The following KLHL1 variants were observed in gnomAD, a reference collection of about 807,000 sequenced individuals.
The protein encoded by KLHL1 is kelch like family member 1.
Under a neutral mutation model 77.7 loss-of-function variants are expected in KLHL1, and 47 were observed. That is an observed-to-expected ratio of 0.60 (90% confidence interval 0.48 to 0.77). The LOEUF (loss-of-function observed/expected upper bound fraction) is 0.77, where lower values mean the gene tolerates loss of function less well. Among genes scored for constraint, KLHL1 ranks in the 30% least tolerant of loss-of-function variants. The pLI is 0.00. For missense variants in KLHL1, 925 were observed against 910.8 expected, an observed-to-expected ratio of 1.02 and a Z score of -0.20; for synonymous variants, 360 against 325.2, an observed-to-expected ratio of 1.11 and a Z score of -1.15.
intron 4 of KLHL1, among the ~76,000 whole-genome samples, chr13:69,892,745 C>T (rs1881470214): frequency 6.6e-6 from 1 of 152,094 alleles, no homozygotes; most frequent in Admixed American, 6.5e-5. Flanking sequence ...AATAGCTAGA[C>T]AGTTGGGATA....
intron 1 of KLHL1, among the ~76,000 whole-genome samples, chr13:70,102,789 G>A (rs1001293790): frequency 5.9e-5 from 9 of 152,122 alleles, no homozygotes; most frequent in Admixed American, 1.3e-4. Context: ...TTTAACTTAC[G>A]CATATAAATA....
chr13:70,008,272 TG>T (rs1408912787), intron 1 of KLHL1, among the ~76,000 whole-genome samples: 1 of 152,092 alleles, frequency 6.6e-6, no homozygotes, highest in Non-Finnish European at 1.5e-5. Flanking sequence ...TATTCTTCTC[TG>T]ATCCACAGAG....
At chr13:69,748,321 T>C (rs1262965936) in intron 7 of KLHL1, among the ~76,000 whole-genome samples, 1 of 151,944 alleles carries the variant, frequency 6.6e-6, no homozygotes, top group Non-Finnish European at 1.5e-5. Context: ...TAATTTGACT[T>C]TCAGTTGCAC....
chr13:69,707,701 G>A lies in KLHL1; in HGVS notation c.2111C>T (p.Ala704Val). ...TGTCTGTCCATCATAGCCACCAACA[G>A]CATATAATCTGTCACCAAGGAGACA... is the stretch of plus-strand genomic sequence containing the variant. ...GVCLLGDRLYAVGGYDGQTYL... is the reference protein window; with the variant it reads ...GVCLLGDRLYVVGGYDGQTYL... The change falls in exon 10 of 11, where the codon GCT becomes GTT. Residue 704 changes from alanine (A) to valine (V), a missense_variant. Transcript: ENST00000377844. 1.2e-6 allele frequency: 2 copies of A among 1,612,822 alleles called. No individual in the cohort carries two copies. Among genetic ancestry groups the A allele is most frequent in the South Asian group, 2.2e-5 (2 of 91,044 alleles).
chr13:69,791,754 A>C (rs1199678420), intron 7 of KLHL1, among the ~76,000 whole-genome samples: 1 of 152,158 alleles, frequency 6.6e-6, no homozygotes. Context: ...ATCTCATGAC[A>C]AATACAAAAA....
chr13:70,027,269 AAGAT>A (rs1268497391), intron 1 of KLHL1, among the ~76,000 whole-genome samples: 3 of 152,152 alleles, frequency 2.0e-5, no homozygotes, highest in African/African-American at 7.2e-5. Context: ...GATCTGGAAA[AAGAT>A]AGACAAAGTA....
chr13:69,800,953 A>C (rs1231455037), intron 6 of KLHL1, among the ~76,000 whole-genome samples: 2 of 152,174 alleles, frequency 1.3e-5, no homozygotes, highest in Admixed American at 1.3e-4. Context: ...TTAAGACATA[A>C]TTATTTTAGG....
intron 3 of KLHL1, among the ~76,000 whole-genome samples, chr13:69,944,739 C>T (rs780189127): frequency 1.3e-5 from 2 of 152,052 alleles, no homozygotes; most frequent in African/African-American, 2.4e-5. Flanking sequence ...TGGAAATACA[C>T]GGACCTATAT....
chr13:69,885,530 T>C (rs559177265), intron 4 of KLHL1, among the ~76,000 whole-genome samples: 2 of 152,262 alleles, frequency 1.3e-5, no homozygotes, highest in Admixed American at 6.5e-5. Context: ...GTACCTACAA[T>C]GTAGGTTCTG....
At chr13:70,064,771 G>A (rs759765313) in intron 1 of KLHL1, among the ~76,000 whole-genome samples, 2 of 152,106 alleles carry the variant, frequency 1.3e-5, no homozygotes, top group South Asian at 2.1e-4. Context: ...GGCGATCCAC[G>A]ACTAAGGACT....
In KLHL1 at chr13:70,084,622, C is replaced by CTTTTTTTTTTTTTTTTTTTTTT. The variant is rs71116988; in HGVS notation, c.497+22559_497+22580dup. On this transcript the variant is annotated intron_variant, in intron 1 of 10. Transcript: ENST00000377844. ...TACAGGCACCTGCCACCACGCCAGG[C>CTTTTTTTTTTTTTTTTTTTTTT]TTTTTTTTTTTTTTTTTTTTTTTTT... Among the ~76,000 whole-genome samples, 27 of 14,954 alleles carry CTTTTTTTTTTTTTTTTTTTTTT rather than the reference C, an allele frequency of 1.8e-3. 8 individuals are homozygous for CTTTTTTTTTTTTTTTTTTTTTT. Among genetic ancestry groups the CTTTTTTTTTTTTTTTTTTTTTT allele is most frequent in the Admixed American group, 4.1e-3 (3 of 736 alleles). The allele number at this position is 14,954 out of a possible 152,430, so 9.8% of individuals were successfully genotyped here.
chr13:70,042,881 G>T (rs142862185), intron 1 of KLHL1, among the ~76,000 whole-genome samples: 2,891 of 152,174 alleles, frequency 0.019, 45 homozygotes, highest in Non-Finnish European at 0.027. Context: ...ATATGGAGGG[G>T]GAAGACAGTG....
chr13:69,885,108 T>C (rs372056932), intron 4 of KLHL1, among the ~76,000 whole-genome samples: 9 of 142,140 alleles, frequency 6.3e-5, no homozygotes, highest in African/African-American at 2.0e-4. Flanking sequence ...GCCCGGCTAA[T>C]TTTTTGTATT....
intron 1 of KLHL1, among the ~76,000 whole-genome samples, chr13:70,032,304 A>C (rs2325269): frequency 0.07 from 10,669 of 152,254 alleles, 384 homozygotes; most frequent in African/African-American, 0.07. Context: ...CTTGGATAGG[A>C]GAAGTGTTCT....
intron 1 of KLHL1, among the ~76,000 whole-genome samples, chr13:70,062,104 G>A (rs929833024): frequency 3.9e-5 from 6 of 151,986 alleles, no homozygotes; most frequent in East Asian, 3.9e-4. Flanking sequence ...TCCTGTCTCC[G>A]TTACCTTTCC....
At chr13:69,705,869 T>C (rs1006072002) in intron 10 of KLHL1, among the ~76,000 whole-genome samples, 2 of 151,738 alleles carry the variant, frequency 1.3e-5, no homozygotes, top group African/African-American at 2.4e-5. Flanking sequence ...TTGATTTCAA[T>C]TTTAGAGGAT....
chr13:69,959,217 C>A lies in KLHL1; in HGVS notation c.817+2091G>T, dbSNP rs373684184. On this transcript the variant is annotated intron_variant, in intron 3 of 10. Transcript: ENST00000377844. The stretch of plus-strand genomic sequence containing the variant: ...TGAAACACCTTCCAACTTTGTACAG[C>A]AGGATGCTGAGTATCTTTTGACCTA... 2.6e-5 allele frequency among the ~76,000 whole-genome samples: 4 copies of A among 152,114 alleles called. No homozygotes were observed. In the East Asian group the frequency reaches 7.8e-4, roughly 30 times the overall value.
chr13:69,868,387 A>G (rs1236781358), intron 5 of KLHL1, among the ~76,000 whole-genome samples: 1 of 151,988 alleles, frequency 6.6e-6, no homozygotes, highest in Non-Finnish European at 1.5e-5. Flanking sequence ...TAAAGACAAT[A>G]TTTGTTAGAG....
chr13:69,965,825 T>G (rs1483908352), intron 2 of KLHL1, among the ~76,000 whole-genome samples: 2 of 152,162 alleles, frequency 1.3e-5, no homozygotes, highest in Non-Finnish European at 1.5e-5. Flanking sequence ...AGATGAAACC[T>G]GCCACAACAC....
Sources: allele counts gnomAD v4.1 joint callset (sites outside exome capture counted in the v4.1 genomes callset), GRCh38; gene constraint gnomAD v4.1.1; transcripts MANE v1.5; gene names NCBI Gene and HGNC (gene_info 2026-07-23, HGNC 2026-07-21).